Variants in POLN observed in about 807,000 individuals in gnomAD.
The protein encoded by POLN is DNA polymerase N.
A neutral mutation model predicts 113.5 loss-of-function variants in POLN; 108 were observed. The observed-to-expected ratio is 0.95, with a 90% CI of 0.81 to 1.12. The LOEUF (loss-of-function observed/expected upper bound fraction) is 1.12, where lower values mean the gene tolerates loss of function less well. Ranked by LOEUF, POLN falls within the 50% of genes most tolerant of loss-of-function variation. POLN has a pLI of 0.00. For missense variants in POLN, 1,097 were observed against 1,077.1 expected (o/e 1.02, Z -0.26); for synonymous variants, 386 against 391.5 (o/e 0.99, Z 0.17).
intron 16 of POLN, chr4:2,140,841 A>C (rs1269165603): frequency 6.6e-6 from 1 of 152,154 alleles, no homozygotes; most frequent in African/African-American, 2.4e-5. Flanking sequence ...TGGCACTCGG[A>C]TCTTCATGAC....
At chr4:2,163,685 C>T (rs536270236) in intron 13 of POLN, among the ~76,000 whole-genome samples, 1 of 152,260 alleles carries the variant, frequency 6.6e-6, no homozygotes, top group African/African-American at 2.4e-5. Flanking sequence ...CATGACTAGG[C>T]TCCCCCGCCC....
At chr4:2,137,706 C>T (rs941276409) in intron 16 of POLN, among the ~76,000 whole-genome samples, 2 of 152,196 alleles carry the variant, frequency 1.3e-5, no homozygotes, top group Non-Finnish European at 2.9e-5. Context: ...GGCTGGCAAT[C>T]GTCCCCCCAC....
intron 16 of POLN, among the ~76,000 whole-genome samples, chr4:2,140,323 C>G (rs151268402): frequency 6.6e-6 from 1 of 152,240 alleles, no homozygotes; most frequent in Non-Finnish European, 1.5e-5. Context: ...ATGATCCACC[C>G]GCCTCAGCCT....
At chr4:2,232,014 A>T in intron 2 of POLN, 1 of 1,506,808 alleles carries the variant, frequency 6.6e-7, no homozygotes, top group Non-Finnish European at 9.2e-7. Context: ...CTTTTAAAAA[A>T]TATACATAGA....
chr4:2,214,177 A>G (rs558505607), intron 3 of POLN, among the ~76,000 whole-genome samples: 18 of 152,232 alleles, frequency 1.2e-4, no homozygotes, highest in East Asian at 5.8e-4. Context: ...TGGAGGTTGC[A>G]GTGAGCCGAG....
intron 9 of POLN, among the ~76,000 whole-genome samples, chr4:2,175,008 G>C (rs1050238701): frequency 1.3e-5 from 2 of 152,044 alleles, no homozygotes; most frequent in Non-Finnish European, 2.9e-5. Flanking sequence ...ATTTTTAGTA[G>C]AGACGGAGTT....
At chr4:2,153,385 AGTG>A (rs1233003445) in intron 16 of POLN, among the ~76,000 whole-genome samples, 27 of 152,148 alleles carry the variant, frequency 1.8e-4, no homozygotes, top group Non-Finnish European at 2.6e-4. Flanking sequence ...GTGTGAGAGA[AGTG>A]TCTACAATAA....
At chr4:2,211,276 A>G (rs1161747673) in intron 4 of POLN, among the ~76,000 whole-genome samples, 1 of 148,028 alleles carries the variant, frequency 6.8e-6, no homozygotes, top group African/African-American at 2.5e-5. Context: ...AATAATAATA[A>G]TAATAATAAT....
chr4:2,167,064 G>C (rs879727718), intron 13 of POLN, among the ~76,000 whole-genome samples: 4 of 152,156 alleles, frequency 2.6e-5, no homozygotes, highest in Non-Finnish European at 4.4e-5. Flanking sequence ...CATCAACGGT[G>C]TCTAACACAG....
chr4:2,187,184 A>C (rs1733297649), intron 7 of POLN, among the ~76,000 whole-genome samples: 2 of 152,208 alleles, frequency 1.3e-5, no homozygotes, highest in Non-Finnish European at 2.9e-5. Context: ...AAGAGCAAGG[A>C]ATAGAAAGCT....
intron 4 of POLN, among the ~76,000 whole-genome samples, chr4:2,212,092 A>G (rs6810591): frequency 0.15 from 23,254 of 152,096 alleles, 2,836 homozygotes; most frequent in East Asian, 0.35. Context: ...ACTATAGGGC[A>G]TTTAGGTTTA....
In POLN at chr4:2,093,798, A is replaced by T. The variant is rs1730719627; in HGVS notation, c.2065+2053T>A. On this transcript the variant is annotated intron_variant, in intron 20 of 25. Transcript: ENST00000511885. The surrounding 1 kb of genome is among the most constrained non-coding windows in gnomAD (Gnocchi z 4.1). ...CTCACAGAACCTAGTTCTTTAAAAC[A>T]AAGTTTCTTAGTCTATTTTCCAAAA... is the stretch of plus-strand genomic sequence containing the variant. 6.6e-6 allele frequency among the ~76,000 whole-genome samples: 1 copy of T among 152,242 alleles called. No homozygotes were observed. The highest frequency in any genetic ancestry group is 2.4e-5 in the African/African-American group (1 of 41,462).
rs776748688 is a variant in POLN, at chr4:2,085,671, C to G, written c.2139G>C (p.Gln713His). ...EAAQFLESFL[Q>H]KYKKIKDFAR... is the part of the protein sequence containing the mutation. ...CGAAGTCCTTGATTTTCTTGTACTT[C>G]TGCAAAAAACTCTCCAAAAACTGGG... The change falls in exon 21 of 26, where the codon CAG becomes CAC. Residue 713 changes from glutamine (Q) to histidine (H), a missense_variant. Gln to His is a conservative substitution (Grantham distance 24). Transcript: ENST00000511885. 1.2e-6 allele frequency: 2 copies of G among 1,614,012 alleles called. No homozygotes were observed. Among genetic ancestry groups the G allele is most frequent in the African/African-American group, 2.7e-5 (2 of 74,918 alleles).
chr4:2,114,765 T>G (rs755072097), intron 19 of POLN, among the ~76,000 whole-genome samples: 52 of 152,166 alleles, frequency 3.4e-4, no homozygotes, highest in Non-Finnish European at 7.2e-4. Flanking sequence ...TTTGGATACG[T>G]AGATTGACAT....
At chr4:2,089,824 A>T in intron 20 of POLN, 1 of 850,538 alleles carries the variant, frequency 1.2e-6, no homozygotes, top group Non-Finnish European at 1.9e-6. Context: ...ATGAAGTCTC[A>T]ACAAATCAGC....
intron 13 of POLN, among the ~76,000 whole-genome samples, chr4:2,166,159 T>TC (rs1732723105): frequency 6.6e-6 from 1 of 152,220 alleles, no homozygotes. Flanking sequence ...TTTCTAAAAA[T>TC]CTACATTCCT....
At chr4:2,129,377 C>T (rs549047888) in intron 17 of POLN, 121 bp from the exon 18 acceptor site, 20 of 641,746 alleles carry the variant, frequency 3.1e-5, no homozygotes, top group South Asian at 1.0e-4. Context: ...TAAATTTTTC[C>T]GAATATTTTT....
chr4:2,185,608 T>C (rs1425164905), intron 7 of POLN, among the ~76,000 whole-genome samples: 1 of 152,056 alleles, frequency 6.6e-6, no homozygotes, highest in Non-Finnish European at 1.5e-5. Context: ...TAGCCAGGCA[T>C]GGTGGCACGT....
intron 16 of POLN, among the ~76,000 whole-genome samples, chr4:2,151,685 A>G (rs1732299124): frequency 6.6e-6 from 1 of 152,240 alleles, no homozygotes; most frequent in Non-Finnish European, 1.5e-5. Context: ...TGAAGCTCAT[A>G]GTAACAACGC....
Sources: gnomAD v4.1 joint callset for allele counts (sites outside exome capture counted in the v4.1 genomes callset) on GRCh38, gnomAD v4.1.1 for gene constraint, Gnocchi (gnomAD v3.1) non-coding constraint, MANE v1.5 for transcripts, NCBI Gene and HGNC (gene_info 2026-07-23, HGNC 2026-07-21) for gene names.